The following VPS45 variants were observed in gnomAD, a reference collection of about 807,000 sequenced individuals.
The protein encoded by VPS45 is vacuolar protein sorting-associated protein 45.
In VPS45, 35 loss-of-function variants were observed where a neutral mutation model predicts 75.9. The observed-to-expected ratio is 0.46, with a 90% CI of 0.35 to 0.61. The LOEUF is 0.61. Ranked by LOEUF, VPS45 falls within the 20% of genes least tolerant of loss-of-function variation. The pLI, the probability that VPS45 is intolerant of heterozygous loss-of-function variation, is 0.00. For missense variants in VPS45, 559 were observed against 685.9 expected (o/e 0.81, Z 2.07); for synonymous variants, 220 against 238.2 (o/e 0.92, Z 0.70).
At position 150,098,704 on chromosome 1, in the gene VPS45, G is replaced by A. The variant is rs587615457; in HGVS notation, c.1493+5056G>A. ...ACAACTTTGCAAAACCAGAACACTG[G>A]TGGAAATTTTTTTAGCCCTTAGCTG... On this transcript the variant is annotated intron_variant, in intron 13 of 14. Transcript: ENST00000644510. The A allele has an allele frequency of 1.2e-5, 3 of 256,448 alleles. No homozygotes were observed. In the South Asian group the frequency reaches 2.1e-4, roughly 18 times the overall value. The allele number at this position is 256,448 out of a possible 1,614,324, so 15.9% of individuals were successfully genotyped here. A position where few individuals can be genotyped will look rare whatever the true frequency, so the allele number is the denominator to read the frequency against.
chr1:150,088,966 AT>A, intron 10 of VPS45, among the ~76,000 whole-genome samples: 1 of 152,232 alleles, frequency 6.6e-6, no homozygotes, highest in African/African-American at 2.4e-5. Context: ...TCTATTTTTA[AT>A]TTTTTAAGGA....
chr1:150,082,023 CA>C (rs1655742307), intron 9 of VPS45, 26 bp downstream of exon 9: 1 of 1,435,822 alleles, frequency 7.0e-7, no homozygotes, highest in Non-Finnish European at 9.8e-7. Context: ...ACATGAATGA[CA>C]AACATGTGAC....
chr1:150,139,506 A>G (rs1468069562), intron 14 of VPS45, among the ~76,000 whole-genome samples: 1 of 152,090 alleles, frequency 6.6e-6, no homozygotes, highest in African/African-American at 2.4e-5. Context: ...TTTTTATGGT[A>G]GCATTTTATT....
chr1:150,080,341 A>G (rs971283077), intron 7 of VPS45, among the ~76,000 whole-genome samples: 11 of 151,830 alleles, frequency 7.2e-5, no homozygotes, highest in Admixed American at 2.0e-4. Flanking sequence ...ATGGGGTTTC[A>G]CCATGTTGGT....
chr1:150,067,825 G>A lies in VPS45; in HGVS notation c.-33G>A, dbSNP rs1654808184. 1 of 1,606,148 alleles carries A rather than the reference G, an allele frequency of 6.2e-7. No homozygotes were observed. Among genetic ancestry groups the A allele is most frequent in the Non-Finnish European group, 8.5e-7 (1 of 1,173,480 alleles). ...TTAATTTAGCCAGAAAAGGGGGCGG[G>A]AAGGGCTGTAGGGTACTTGTCAATT... is the stretch of plus-strand genomic sequence containing the variant. On this transcript the variant is annotated 5_prime_UTR_variant, in exon 1 of 15. Transcript: ENST00000644510.
intron 14 of VPS45, among the ~76,000 whole-genome samples, chr1:150,117,669 C>T (rs911302330): frequency 4.6e-5 from 7 of 151,910 alleles, no homozygotes; most frequent in African/African-American, 1.7e-4. Context: ...GACCAGCCTG[C>T]GCAATGTGGC....
At chr1:150,102,235 CAAA>C (rs1208831311) in intron 13 of VPS45, among the ~76,000 whole-genome samples, 2 of 94,704 alleles carry the variant, frequency 2.1e-5, no homozygotes, top group Admixed American at 1.2e-4. Context: ...GAGACTCCGT[CAAA>C]AAAAAAAAAA....
intron 2 of VPS45, among the ~76,000 whole-genome samples, chr1:150,071,608 G>A (rs1469983988): frequency 6.6e-6 from 1 of 152,010 alleles, no homozygotes; most frequent in African/African-American, 2.4e-5. Flanking sequence ...CCAACATGGT[G>A]AAACCCCGTC....
At chr1:150,072,426 G>A (rs1172408915) in intron 3 of VPS45, among the ~76,000 whole-genome samples, 200 bp downstream of exon 3, 1 of 152,128 alleles carries the variant, frequency 6.6e-6, no homozygotes, top group Non-Finnish European at 1.5e-5. Context: ...ACTTTGGGAG[G>A]CCAAGGCGGG....
chr1:150,091,953 TGCAGAACCCCAAAG>T lies in VPS45; in HGVS notation c.1122_1135del (p.Gln375AspfsTer4). ...TTTCTTCAGAATATAAAAAGGCTTC[TGCAGAACCCCAAAG>T]TGACAGAGTTTGATGCTGCCCGCCT... On this transcript the variant is annotated frameshift_variant, in exon 11 of 15. Coordinates refer to ENST00000644510, the MANE Select transcript of VPS45 (RefSeq NM_007259.5). LOFTEE classifies it high-confidence loss of function. 1 of 1,613,592 alleles carries T rather than the reference TGCAGAACCCCAAAG, an allele frequency of 6.2e-7. No homozygotes were observed. The highest frequency in any genetic ancestry group is 1.1e-5 in the South Asian group (1 of 90,938).
At chr1:150,071,743 G>A (rs1358615033) in intron 2 of VPS45, among the ~76,000 whole-genome samples, 1 of 150,038 alleles carries the variant, frequency 6.7e-6, no homozygotes, top group Non-Finnish European at 1.5e-5. Flanking sequence ...AGCCAAGATT[G>A]TGCCATTGCA....
At chr1:150,108,534 G>C (rs782048122) in intron 13 of VPS45, among the ~76,000 whole-genome samples, 1 of 152,190 alleles carries the variant, frequency 6.6e-6, no homozygotes, top group Non-Finnish European at 1.5e-5. Flanking sequence ...TCTGGGCTCT[G>C]AGTATTCCAC....
chr1:150,142,879 C>G (rs782751073), intron 14 of VPS45: 25 of 450,418 alleles, frequency 5.6e-5, no homozygotes, highest in Non-Finnish European at 9.3e-5. Flanking sequence ...TTTCGAACTC[C>G]TGGGCTCAAG....
chr1:150,123,829 C>T (rs1023211371), intron 14 of VPS45, among the ~76,000 whole-genome samples: 6 of 152,172 alleles, frequency 3.9e-5, no homozygotes, highest in Admixed American at 1.3e-4. Context: ...TAGCCAATAG[C>T]GCTGCCATTG....
chr1:150,090,010 G>A (rs1283632420), intron 10 of VPS45, among the ~76,000 whole-genome samples: 2 of 152,184 alleles, frequency 1.3e-5, no homozygotes, highest in Non-Finnish European at 2.9e-5. Context: ...TATCATCATA[G>A]TCCCTAGTCA....
chr1:150,088,706 T>C (rs1656161355), intron 10 of VPS45, among the ~76,000 whole-genome samples: 1 of 152,012 alleles, frequency 6.6e-6, no homozygotes, highest in African/African-American at 2.4e-5. Flanking sequence ...CCCCAGCTCC[T>C]GAGCTCAAGC....
chr1:150,077,563 G>A (rs1655462975), intron 6 of VPS45, 106 bp from the exon 7 acceptor site: 2 of 803,738 alleles, frequency 2.5e-6, no homozygotes, highest in Admixed American at 4.7e-5. Flanking sequence ...GATCTATGTG[G>A]GTGCAAAGAA....
At chr1:150,122,923 C>T (rs948799151) in intron 14 of VPS45, among the ~76,000 whole-genome samples, 2 of 144,516 alleles carry the variant, frequency 1.4e-5, no homozygotes, top group African/African-American at 5.1e-5. Flanking sequence ...TGCTTGAACC[C>T]AGGAGGCGGA....
intron 14 of VPS45, among the ~76,000 whole-genome samples, chr1:150,118,387 T>C (rs781793046): frequency 6.6e-5 from 10 of 151,708 alleles, no homozygotes; most frequent in Non-Finnish European, 1.0e-4. Context: ...CTTAAATTAG[T>C]GTTCAAGTTC....
Sources: gnomAD v4.1 joint callset for allele counts (sites outside exome capture counted in the v4.1 genomes callset) on GRCh38, gnomAD v4.1.1 for gene constraint, MANE v1.5 for transcripts, NCBI Gene and HGNC (gene_info 2026-07-23, HGNC 2026-07-21) for gene names.